Variants in RNF157 observed in about 807,000 individuals in gnomAD.
RNF157 encodes ring finger protein 157.
In RNF157, 55 loss-of-function variants were observed where a neutral mutation model predicts 88.3. That is an observed-to-expected ratio of 0.62 (90% CI 0.50 to 0.78). The LOEUF (loss-of-function observed/expected upper bound fraction) is 0.78. Among genes scored for constraint, RNF157 ranks in the 30% least tolerant of loss-of-function variants. RNF157 has a pLI of 0.00. For synonymous variants in RNF157, 334 were observed against 341.2 expected (o/e 0.98, Z 0.23); for missense variants, 788 against 860.8 (o/e 0.92, Z 1.06).
rs370450153 is a variant in RNF157 at position 76,148,471 on chromosome 17, G to A, written c.1922-3118C>T. ...TTTGGTAGAGATGAGGTTTCACCGT[G>A]TTAGCCAGGATGGTCTCGATCTCCT... On this transcript the variant is annotated intron_variant, in intron 18 of 18. Transcript: ENST00000269391. Among the ~76,000 whole-genome samples the A allele has an allele frequency of 9.2e-4, 138 of 150,818 alleles. 2 individuals are homozygous for A. Among genetic ancestry groups the A allele is most frequent in the Middle Eastern group, 3.5e-3 (1 of 288 alleles).
chr17:76,145,475 G>A (rs888371008), intron 18 of RNF157, 122 bp from the exon 19 acceptor site: 3 of 670,390 alleles, frequency 4.5e-6, no homozygotes, highest in South Asian at 1.9e-5. Flanking sequence ...CTGAGACTCC[G>A]ATGACGGTGC....
chr17:76,183,479 G>A (rs778687123), intron 2 of RNF157, among the ~76,000 whole-genome samples: 23 of 151,936 alleles, frequency 1.5e-4, no homozygotes, highest in Non-Finnish European at 3.1e-4. Flanking sequence ...TTTAGAGGTA[G>A]GGTCTTGCTA....
At chr17:76,203,576 C>T (rs1379806238) in intron 2 of RNF157, among the ~76,000 whole-genome samples, 2 of 151,278 alleles carry the variant, frequency 1.3e-5, no homozygotes, top group Admixed American at 1.3e-4. Flanking sequence ...CCTCAGCTTC[C>T]TGAGTAGTTG....
At chr17:76,238,596 T>C (rs2145095487) in intron 1 of RNF157, among the ~76,000 whole-genome samples, 1 of 152,346 alleles carries the variant, frequency 6.6e-6, no homozygotes, top group East Asian at 1.9e-4. Context: ...CGGTGAATAC[T>C]TTCCTGAGGC....
chr17:76,197,694 G>A (rs1179691542), intron 2 of RNF157, among the ~76,000 whole-genome samples: 1 of 152,058 alleles, frequency 6.6e-6, no homozygotes, highest in Non-Finnish European at 1.5e-5. Flanking sequence ...TCAGCCTCCC[G>A]AGTGCTGGGA....
At position 76,172,478 on chromosome 17, in the gene RNF157, C is replaced by G. The variant is rs186552738; in HGVS notation, c.296+1224G>C. 1.2e-3 allele frequency among the ~76,000 whole-genome samples: 181 copies of G among 151,684 alleles called. 4 individuals are homozygous for G. The highest frequency in any genetic ancestry group is 0.011 in the Admixed American group (161 of 15,234). ...TGGTGATGCATGCCTGTAATCACAGCTACTTAGGAGGATAAGGCAGAAGAA... is the reference window on the plus strand; with the variant it reads ...TGGTGATGCATGCCTGTAATCACAGGTACTTAGGAGGATAAGGCAGAAGAA... On this transcript the variant is annotated intron_variant, in intron 3 of 18. Coordinates refer to ENST00000269391, the MANE Select transcript of RNF157 (RefSeq NM_052916.3).
intron 1 of RNF157, among the ~76,000 whole-genome samples, 169 bp downstream of exon 1, chr17:76,239,984 G>C (rs1385442474): frequency 6.6e-6 from 1 of 152,166 alleles, no homozygotes; most frequent in Non-Finnish European, 1.5e-5. Context: ...CGCCCGGGGC[G>C]GGGGAGACCT....
chr17:76,240,073 G>A lies in RNF157; in HGVS notation c.88+80C>T, dbSNP rs1412619373. 12 of 822,900 alleles carry A rather than the reference G, an allele frequency of 1.5e-5. No homozygotes were observed. The Admixed American group carries it at 2.9e-4, about 20-fold the overall frequency. The allele number at this position is 822,900 out of a possible 1,614,324, so 51.0% of individuals were successfully genotyped here. ...CACTGAGTCCCCGAAGACCCGCGGG[G>A]CCCCCTCAGGCCGTCCCGACCCAGA... On this transcript the variant is annotated intron_variant, in intron 1 of 18. Transcript: ENST00000269391. This position sits in a 1 kb window ranked among gnomAD's most constrained non-coding sequence, Gnocchi z 4.4.
chr17:76,200,306 C>A (rs1212539760), intron 2 of RNF157, among the ~76,000 whole-genome samples: 5 of 152,034 alleles, frequency 3.3e-5, no homozygotes, highest in Admixed American at 2.0e-4. Flanking sequence ...AGCCCAATAG[C>A]CAAAAGGCAG....
Position 76,240,145 on chromosome 17 carries a change from GC to G in RNF157, c.88+7del. The G allele has an allele frequency of 7.5e-7, 1 of 1,328,338 alleles. No individual in the cohort carries two copies. 82.3% of individuals were successfully genotyped at this position (1,328,338 alleles called of 1,614,324 possible). On this transcript the variant is annotated splice_region_variant and intron_variant, in intron 1 of 18. Coordinates refer to ENST00000269391, the MANE Select transcript of RNF157 (RefSeq NM_052916.3). This position sits in a 1 kb window ranked among gnomAD's most constrained non-coding sequence, Gnocchi z 4.4. ...CTCCTCGCGGCTGCGGCGCCCGCCCGCCCTCACCGGACTTGGGCGGGTAGCG... is the reference window on the plus strand; with the variant it reads ...CTCCTCGCGGCTGCGGCGCCCGCCCGCCTCACCGGACTTGGGCGGGTAGCG...
intron 2 of RNF157, among the ~76,000 whole-genome samples, chr17:76,175,328 TTTGA>T (rs1350501516): frequency 1.3e-5 from 2 of 152,364 alleles, no homozygotes; most frequent in South Asian, 4.1e-4. Context: ...TGCATGCTTG[TTTGA>T]TTATTTCCTA....
In RNF157 at chr17:76,172,744, C is replaced by T. The variant is rs945356124; in HGVS notation, c.296+958G>A. 6.6e-5 allele frequency among the ~76,000 whole-genome samples: 10 copies of T among 151,756 alleles called. No individual in the cohort carries two copies. In the South Asian group the frequency reaches 2.1e-3, roughly 32 times the overall value. On this transcript the variant is annotated intron_variant, in intron 3 of 18. Coordinates refer to ENST00000269391, the MANE Select transcript of RNF157 (RefSeq NM_052916.3). Reference sequence around the variant, plus strand: ...ATGGTCTCTGAGTCATCTTCCTTGCCTATTCAGAAAAATCTGGGACCTTGA... The same window carrying T: ...ATGGTCTCTGAGTCATCTTCCTTGCTTATTCAGAAAAATCTGGGACCTTGA...
intron 2 of RNF157, chr17:76,212,159 T>G (rs2069812970): frequency 2.0e-6 from 1 of 495,574 alleles, no homozygotes; most frequent in Non-Finnish European, 3.6e-6. Flanking sequence ...ATCCTCTCCC[T>G]CACAAGACTC....
chr17:76,193,742 G>A lies in RNF157; in HGVS notation c.207+18622C>T, dbSNP rs149594746. On this transcript the variant is annotated intron_variant, in intron 2 of 18. Coordinates refer to ENST00000269391, the MANE Select transcript of RNF157 (RefSeq NM_052916.3). ...TCTGAAGCCTGATCCGAAACAATCA[G>A]GAGCTGAGCGAGAAAACAAAACAGA... is the stretch of plus-strand genomic sequence containing the variant. 2.6e-4 allele frequency among the ~76,000 whole-genome samples: 39 copies of A among 152,338 alleles called. No individual in the cohort carries two copies. In the East Asian group the frequency reaches 5.4e-3, roughly 21 times the overall value.
In RNF157 at chr17:76,178,294, TC is replaced by T. The variant is rs986232679; in HGVS notation, c.208-4505del. On this transcript the variant is annotated intron_variant, in intron 2 of 18. Transcript: ENST00000269391. The stretch of plus-strand genomic sequence containing the variant: ...TCCAAGCTTCCGGGTGCCACCACAT[TC>T]CCTGGTGCCAACCGGGAGAGCTGCT... Among the ~76,000 whole-genome samples, 75 of 152,166 alleles carry T rather than the reference TC, an allele frequency of 4.9e-4. 2 individuals carry two copies. Among genetic ancestry groups the T allele is most frequent in the Non-Finnish European group, 4.4e-5 (3 of 68,018 alleles).
Position 76,173,623 on chromosome 17 carries a change from C to T in RNF157, c.296+79G>A, listed in dbSNP as rs984255650. ...CTGCCGGAAACTGCTGTATGAGTTC[C>T]TTGGGAAGTCTGTCCCCCAGCCCCC... On this transcript the variant is annotated intron_variant, in intron 3 of 18. Transcript: ENST00000269391. The T allele has an allele frequency of 1.8e-5, 20 of 1,123,760 alleles. No homozygotes were observed. In the African/African-American group the frequency reaches 1.9e-4, roughly 11 times the overall value. The allele number at this position is 1,123,760 out of a possible 1,614,324, so 69.6% of individuals were successfully genotyped here.
At chr17:76,229,129 C>T (rs2070145255) in intron 1 of RNF157, among the ~76,000 whole-genome samples, 2 of 152,190 alleles carry the variant, frequency 1.3e-5, no homozygotes, top group African/African-American at 2.4e-5. Context: ...GAATTCAACA[C>T]TCATTTCTGA....
chr17:76,193,411 T>C (rs1283173310), intron 2 of RNF157, among the ~76,000 whole-genome samples: 1 of 152,234 alleles, frequency 6.6e-6, no homozygotes, highest in African/African-American at 2.4e-5. Context: ...GTATCTCTTA[T>C]CTACAAATCC....
At chr17:76,145,982 C>A (rs991895339) in intron 18 of RNF157, among the ~76,000 whole-genome samples, 1 of 152,190 alleles carries the variant, frequency 6.6e-6, no homozygotes, top group African/African-American at 2.4e-5. Flanking sequence ...CCAGCAGACA[C>A]CAGCCCAAGA....
Sources: gnomAD v4.1 joint callset for allele counts (sites outside exome capture counted in the v4.1 genomes callset) on GRCh38, gnomAD v4.1.1 for gene constraint, Gnocchi (gnomAD v3.1) non-coding constraint, MANE v1.5 for transcripts, NCBI Gene and HGNC (gene_info 2026-07-23, HGNC 2026-07-21) for gene names.